ZNF880: variants seen among roughly 807,000 people sequenced by gnomAD.
ZNF880 encodes the protein zinc finger protein LOC400713.
Under a neutral mutation model 11.8 loss-of-function variants are expected in ZNF880, and 12 were observed. The observed-to-expected ratio is 1.02, with a 90% confidence interval of 0.65 to 1.65. The LOEUF is 1.65. ZNF880 is among the 40% of genes most tolerant of loss of function. The pLI is 0.00. For missense variants in ZNF880, 601 were observed against 673.9 expected, an observed-to-expected ratio of 0.89 and a Z score of 1.20; for synonymous variants, 210 against 232.4, an observed-to-expected ratio of 0.90 and a Z score of 0.88.
chr19:52,374,289 T>C lies in ZNF880; in HGVS notation c.140-10T>C. 1 of 1,610,948 alleles carries C rather than the reference T, an allele frequency of 6.2e-7. No homozygotes were observed. Among genetic ancestry groups the C allele is most frequent in the East Asian group, 2.2e-5 (1 of 44,818 alleles). On this transcript the variant is annotated splice_polypyrimidine_tract_variant and intron_variant, in intron 2 of 3. Transcript: ENST00000422689. ...AGGATAGTCTTGATATTCTTTCTTT[T>C]TTTAAATAGGAATCTGTCTTCCTGA...
At chr19:52,392,271 T>C in the ZNF880 span, among the ~76,000 whole-genome samples, 22 of 145,604 alleles carry the variant, frequency 1.5e-4, no homozygotes, top group African/African-American at 5.8e-4. Context: ...TTCTTTCTCT[T>C]TCTCTCTTTC....
rs1235201791 is a variant in ZNF880 at position 52,374,425 on chromosome 19, C to T, written c.266C>T (p.Ala89Val). 6.2e-7 allele frequency: 1 copy of T among 1,610,392 alleles called. No homozygotes were observed. ...GGRECIKGVN[A>V]ESSSKLGSNA... The stretch of plus-strand genomic sequence containing the variant: ...AGGGAGTGCATCAAAGGTGTGAACG[C>T]AGGTAAGAGCTTGGATGGCCAGAGT... The change falls in exon 3 of 4, where the codon GCA becomes GTA. Residue 89 changes from alanine (A) to valine (V), a missense_variant and splice_region_variant. Ala to Val is a moderately conservative substitution (Grantham distance 64). Transcript: ENST00000422689.
At chr19:52,376,192 T>A (rs746511658) in intron 3 of ZNF880, among the ~76,000 whole-genome samples, 6 of 152,182 alleles carry the variant, frequency 3.9e-5, no homozygotes, top group Non-Finnish European at 8.8e-5. Flanking sequence ...GGAGTGGTTT[T>A]GCTGGATCAA....
the ZNF880 span, chr19:52,391,515 A>G: frequency 6.6e-6 from 1 of 151,332 alleles, no homozygotes; most frequent in Non-Finnish European, 1.5e-5. Context: ...AAATAAAGAG[A>G]AAAAAAAAGC....
At chr19:52,383,824 T>G (rs779538115) in intron 3 of ZNF880, 25 bp from the exon 4 acceptor site, 1 of 1,500,704 alleles carries the variant, frequency 6.7e-7, no homozygotes, top group South Asian at 1.4e-5. Context: ...TGGGTTGAAG[T>G]TCCACTTTTT....
rs1986819196 is a variant in ZNF880, at chr19:52,384,719, A to G, written c.1139A>G (p.Tyr380Cys). 6.2e-7 allele frequency: 1 copy of G among 1,613,268 alleles called. No individual in the cohort carries two copies. The change falls in exon 4 of 4, where the codon TAT (tyrosine) becomes TGT (cysteine). Residue 380 changes from tyrosine to cysteine, a missense_variant. Coordinates refer to ENST00000422689, the MANE Select transcript of ZNF880 (RefSeq NM_001145434.2). Reference protein sequence around the residue: ...HQRIHTGEKPYECKECGKVFR... With the variant: ...HQRIHTGEKPCECKECGKVFR... ...AGAATCCATACTGGAGAGAAACCTT[A>G]TGAATGTAAAGAATGTGGCAAGGTC...
At chr19:52,375,795 CA>C (rs1041566388) in intron 3 of ZNF880, among the ~76,000 whole-genome samples, 1 of 152,108 alleles carries the variant, frequency 6.6e-6, no homozygotes. Flanking sequence ...CTCTGCCTGC[CA>C]AGTCACTGGG....
chr19:52,376,496 GCCCCCCCC>G (rs772625389), intron 3 of ZNF880, among the ~76,000 whole-genome samples: 1 of 51,194 alleles, frequency 2.0e-5, no homozygotes, highest in South Asian at 6.9e-4. Flanking sequence ...CCTTAGCACC[GCCCCCCCC>G]CCCCCTTTTT....
chr19:52,370,082 C>G, intron 1 of ZNF880, 105 bp downstream of exon 1: 2 of 1,400,308 alleles, frequency 1.4e-6, no homozygotes, highest in South Asian at 2.5e-5. Context: ...CCGCATCGCT[C>G]CCTCCACCCC....
In ZNF880 at chr19:52,385,253, C is replaced by T. The variant is rs1986850309; in HGVS notation, c.1673C>T (p.Thr558Ile). 6.4e-7 allele frequency: 1 copy of T among 1,551,714 alleles called. No homozygotes were observed. ...YRCHECGKDFTRNSNLANHHR... is the reference protein window; with the variant it reads ...YRCHECGKDFIRNSNLANHHR... ...TGTCATGAATGTGGTAAGGACTTCA[C>T]TCGAAATTCAAACCTGGCAAATCAT... The change falls in exon 4 of 4, where the codon ACT becomes ATT. Residue 558 changes from threonine (T) to isoleucine (I), a missense_variant. Transcript: ENST00000422689.
intron 1 of ZNF880, among the ~76,000 whole-genome samples, chr19:52,372,412 C>A (rs866813891): frequency 1.0e-4 from 15 of 146,388 alleles, no homozygotes; most frequent in African/African-American, 3.5e-4. Flanking sequence ...CTCAGCCTCA[C>A]GAGTAACTGG....
At chr19:52,372,736 C>G (rs1697827921) in intron 1 of ZNF880, among the ~76,000 whole-genome samples, 1 of 147,460 alleles carries the variant, frequency 6.8e-6, no homozygotes. Context: ...CGCATCTCTA[C>G]TAACAATACA....
chr19:52,369,011 G>C (rs1276527097), upstream of ZNF880, among the ~76,000 whole-genome samples: 1 of 144,366 alleles, frequency 6.9e-6, no homozygotes, highest in Non-Finnish European at 1.5e-5. Flanking sequence ...GTTGTGACCT[G>C]AGTATGTCCA....
intron 1 of ZNF880, among the ~76,000 whole-genome samples, chr19:52,371,252 C>T (rs1290975393): frequency 6.6e-6 from 1 of 152,140 alleles, no homozygotes; most frequent in African/African-American, 2.4e-5. Flanking sequence ...ACATGTGCGA[C>T]AGTTTCTTGA....
At chr19:52,392,079 C>T in the ZNF880 span, among the ~76,000 whole-genome samples, 3 of 152,250 alleles carry the variant, frequency 2.0e-5, no homozygotes, top group Non-Finnish European at 4.4e-5. Context: ...CTCAGTTGCA[C>T]AAAACTGCCC....
At chr19:52,396,564 A>G in the ZNF880 span, 1 of 152,192 alleles carries the variant, frequency 6.6e-6, no homozygotes, top group African/African-American at 2.4e-5. Context: ...GTCTGCAGCC[A>G]ATGGGCCTGC....
intron 3 of ZNF880, among the ~76,000 whole-genome samples, chr19:52,382,692 C>T (rs186228856): frequency 7.2e-5 from 11 of 152,220 alleles, no homozygotes; most frequent in Admixed American, 7.2e-4. Context: ...TTTTTTGTTG[C>T]TGCTATCAAG....
chr19:52,379,847 T>A (rs979854188), intron 3 of ZNF880: 1 of 152,244 alleles, frequency 6.6e-6, no homozygotes, highest in African/African-American at 2.4e-5. Flanking sequence ...AATTGTTGCC[T>A]ATACTGGTAA....
At chr19:52,386,843 G>A (rs1203018747), downstream of ZNF880, among the ~76,000 whole-genome samples, 1 of 141,562 alleles carries the variant, frequency 7.1e-6, no homozygotes, top group Non-Finnish European at 1.5e-5. Context: ...TTTTGAAATG[G>A]AAGAGAGAAC....
Sources: allele counts gnomAD v4.1 joint callset (sites outside exome capture counted in the v4.1 genomes callset), GRCh38; gene constraint gnomAD v4.1.1; transcripts MANE v1.5; gene names NCBI Gene and HGNC (gene_info 2026-07-23, HGNC 2026-07-21).